TIAL1: variants seen among roughly 807,000 people sequenced by gnomAD.
TIAL1 encodes TIA1 cytotoxic granule associated RNA binding protein like 1.
Under a neutral mutation model 59.7 loss-of-function variants are expected in TIAL1, and 7 were observed. The observed-to-expected ratio is 0.12, with a 90% CI of 0.07 to 0.22. The LOEUF is 0.22. TIAL1 is among the 10% of genes least tolerant of loss of function. TIAL1 has a pLI of 1.00. For missense variants in TIAL1, 225 were observed against 462.5 expected, an observed-to-expected ratio of 0.49 and a Z score of 4.71; for synonymous variants, 149 against 146.3, an observed-to-expected ratio of 1.02 and a Z score of -0.13.
At chr10:119,596,372 C>T in intron 1 of TIAL1, 62 bp downstream of exon 1, 1 of 1,596,320 alleles carries the variant, frequency 6.3e-7, no homozygotes, top group Non-Finnish European at 8.6e-7. Context: ...CTGCTCCCTC[C>T]CTTAGCGTCC....
In TIAL1 at chr10:119,582,176, A is replaced by G. The variant is rs573562653; in HGVS notation, c.276T>C (p.Asp92=). The change falls in exon 4 of 12, where the codon GAT becomes GAC. Residue 92 remains aspartate, a synonymous_variant. Transcript: ENST00000436547. The surrounding 1 kb of genome is among the most constrained non-coding windows in gnomAD (Gnocchi z 5.1). The part of the protein sequence containing the change: ...WATTPSSQKK[D]TSNHFHVFVG... ...TGCAGCAGGAGTACTTACTGGAAGT[A>G]TCTTTTTTCTGGCTACTTGGTGTGG... The G allele has an allele frequency of 1.2e-6, 2 of 1,607,330 alleles. No homozygotes were observed. The highest frequency in any genetic ancestry group is 1.3e-5 in the African/African-American group (1 of 74,558).
intron 2 of TIAL1, among the ~76,000 whole-genome samples, chr10:119,584,122 C>A (rs1219644520): frequency 6.6e-6 from 1 of 152,132 alleles, no homozygotes; most frequent in Non-Finnish European, 1.5e-5. Context: ...CTCGTGAATA[C>A]CAATTTCAAA....
At chr10:119,594,632 T>C (rs1846060741) in intron 1 of TIAL1, among the ~76,000 whole-genome samples, 1 of 152,198 alleles carries the variant, frequency 6.6e-6, no homozygotes, top group African/African-American at 2.4e-5. Context: ...TAAAATTTTT[T>C]TTTTAATTGT....
chr10:119,592,747 T>C (rs114770929), intron 1 of TIAL1, among the ~76,000 whole-genome samples: 1,983 of 146,814 alleles, frequency 0.014, 40 homozygotes, highest in African/African-American at 0.046. Context: ...TGACCAACTA[T>C]ATATATGAGA....
intron 1 of TIAL1, among the ~76,000 whole-genome samples, chr10:119,589,464 C>T (rs777371551): frequency 1.1e-4 from 16 of 152,226 alleles, no homozygotes; most frequent in Admixed American, 3.3e-4. Flanking sequence ...CCTGAGTCTC[C>T]CAAAGTGCTG....
rs551431568 is a variant in TIAL1 at position 119,577,830 on chromosome 10, C to T, written c.557-94G>A. ...ATATACTATTAAGATATGCCTCAGG[C>T]CGGGCACCCAGCACTTTGGGAGGCT... On this transcript the variant is annotated intron_variant, in intron 7 of 11. Coordinates refer to ENST00000436547, the MANE Select transcript of TIAL1 (RefSeq NM_003252.4). The T allele has an allele frequency of 3.3e-5, 37 of 1,130,280 alleles. No homozygotes were observed. In the African/African-American group the frequency reaches 4.9e-4, roughly 15 times the overall value. 70.0% of individuals were successfully genotyped at this position (1,130,280 alleles called of 1,614,324 possible).
chr10:119,576,538 C>G (rs1160170460), intron 11 of TIAL1, 73 bp downstream of exon 11: 1 of 1,554,548 alleles, frequency 6.4e-7, no homozygotes, highest in Admixed American at 2.0e-5. Context: ...ATAGATTCTC[C>G]CTAGGAAAAC....
chr10:119,577,672 C>T lies in TIAL1; in HGVS notation c.621G>A (p.Val207=), dbSNP rs764333440. The T allele has an allele frequency of 6.2e-7, 1 of 1,614,152 alleles. No homozygotes were observed. The highest frequency in any genetic ancestry group is 8.5e-7 in the Non-Finnish European group (1 of 1,180,016). ...VNQSSPKNCT[V]YCGGIASGLT... ...ACCCAGACGCAATTCCTCCACAGTA[C>T]ACAGTACAATTTTTTGGACTTGACT... The change falls in exon 8 of 12, where the codon GTG becomes GTA. Residue 207 remains valine, a synonymous_variant. Transcript: ENST00000436547.
At chr10:119,587,651 C>A (rs1733737127) in intron 2 of TIAL1, among the ~76,000 whole-genome samples, 1 of 151,322 alleles carries the variant, frequency 6.6e-6, no homozygotes, top group South Asian at 2.1e-4. Flanking sequence ...GAAAGCTGAT[C>A]AATGAACAAA....
intron 1 of TIAL1, among the ~76,000 whole-genome samples, chr10:119,593,688 C>T (rs952198869): frequency 2.6e-5 from 4 of 152,010 alleles, no homozygotes; most frequent in African/African-American, 4.8e-5. Flanking sequence ...TAGATATCAA[C>T]GTCTAAAATC....
chr10:119,586,458 G>C (rs1473353557), intron 2 of TIAL1, among the ~76,000 whole-genome samples: 1 of 152,176 alleles, frequency 6.6e-6, no homozygotes, highest in East Asian at 1.9e-4. Flanking sequence ...ACCTAGACTA[G>C]TGAAGTAAAT....
intron 9 of TIAL1, 22 bp from the exon 10 acceptor site, chr10:119,577,225 G>A (rs2133988944): frequency 6.3e-7 from 1 of 1,584,212 alleles, no homozygotes; most frequent in Non-Finnish European, 8.5e-7. Context: ...AAATGATATG[G>A]TTTTGTCTTT....
At chr10:119,579,168 T>C (rs1012054433) in intron 6 of TIAL1, among the ~76,000 whole-genome samples, 4 of 151,936 alleles carry the variant, frequency 2.6e-5, no homozygotes, top group African/African-American at 9.7e-5. Flanking sequence ...TGAAACCATG[T>C]CTCTACCAAA....
At chr10:119,580,191 G>C in intron 5 of TIAL1, 181 bp from the exon 6 acceptor site, 1 of 499,856 alleles carries the variant, frequency 2.0e-6, no homozygotes. Context: ...AAAAGCAGTA[G>C]GACAAAAACA....
Position 119,596,620 on chromosome 10 carries a change from C to A in TIAL1, c.-155G>T, listed in dbSNP as rs1846215711. 1.6e-6 allele frequency: 1 copy of A among 625,502 alleles called. No homozygotes were observed. Among genetic ancestry groups the A allele is most frequent in the Admixed American group, 2.9e-5 (1 of 34,318 alleles). The allele number at this position is 625,502 out of a possible 1,614,324, so 38.7% of individuals were successfully genotyped here. ...TCGGGCTCTCTCCCCCCAGCCCGCT[C>A]CGGACACTGCGCTCCAACCAGGAGG... is the stretch of plus-strand genomic sequence containing the variant. On this transcript the variant is annotated 5_prime_UTR_variant, in exon 1 of 12. Coordinates refer to ENST00000436547, the MANE Select transcript of TIAL1 (RefSeq NM_003252.4).
intron 1 of TIAL1, 95 bp downstream of exon 1, chr10:119,596,339 T>A: frequency 1.4e-6 from 2 of 1,413,262 alleles, no homozygotes; most frequent in Non-Finnish European, 2.0e-6. Context: ...CCGCCTAGAG[T>A]CCCGGCTTCG....
chr10:119,593,440 T>A (rs1845991406), intron 1 of TIAL1: 2 of 979,066 alleles, frequency 2.0e-6, no homozygotes. Flanking sequence ...TAATGAATAT[T>A]TAAAGACCTA....
chr10:119,593,389 G>T, intron 1 of TIAL1: 1 of 812,546 alleles, frequency 1.2e-6, no homozygotes, highest in Non-Finnish European at 1.5e-6. Flanking sequence ...AGCAATTCTT[G>T]CCACTTTAAA....
In TIAL1 at chr10:119,596,725, C is replaced by A; in HGVS notation, c.-260G>T. 1 of 549,650 alleles carries A rather than the reference C, an allele frequency of 1.8e-6. No homozygotes were observed. The highest frequency in any genetic ancestry group is 3.3e-6 in the Non-Finnish European group (1 of 307,346). 34.0% of individuals were successfully genotyped at this position (549,650 alleles called of 1,614,324 possible). On this transcript the variant is annotated 5_prime_UTR_variant, in exon 1 of 12. Transcript: ENST00000436547. ...AACAGGGCAGAGCGCAGGCGCGACC[C>A]GCCAGGTCACCGCTCAGGCCAGCCG...
Sources: gnomAD v4.1 joint callset for allele counts (sites outside exome capture counted in the v4.1 genomes callset) on GRCh38, gnomAD v4.1.1 for gene constraint, Gnocchi (gnomAD v3.1) non-coding constraint, MANE v1.5 for transcripts, NCBI Gene and HGNC (gene_info 2026-07-23, HGNC 2026-07-21) for gene names.